TMEM266: variants seen among roughly 807,000 people sequenced by gnomAD.
TMEM266 encodes the protein Hv1 related protein 1.
Under a neutral mutation model 50.5 loss-of-function variants are expected in TMEM266, and 33 were observed. That is an observed-to-expected ratio of 0.65 (90% CI 0.50 to 0.87). The LOEUF (loss-of-function observed/expected upper bound fraction) is 0.87. Among genes scored for constraint, TMEM266 ranks in the 40% least tolerant of loss-of-function variants. TMEM266 has a pLI of 0.00. For synonymous variants in TMEM266, 310 were observed against 292.3 expected, an observed-to-expected ratio of 1.06 and a Z score of -0.62; for missense variants, 655 against 695.1, an observed-to-expected ratio of 0.94 and a Z score of 0.65.
intron 1 of TMEM266, among the ~76,000 whole-genome samples, chr15:76,130,241 A>C (rs1483966882): frequency 2.9e-5 from 4 of 137,086 alleles, no homozygotes; most frequent in South Asian, 2.8e-4. Flanking sequence ...AAAAAAAAAA[A>C]AAAAAAAAAA....
At chr15:76,074,160 T>A (rs1327731096) in intron 1 of TMEM266, among the ~76,000 whole-genome samples, 13 of 152,152 alleles carry the variant, frequency 8.5e-5, no homozygotes, top group Non-Finnish European at 2.9e-5. Flanking sequence ...TCTATAATCC[T>A]ACTACCCATA....
rs1283417953 is a variant in TMEM266 at position 76,153,266 on chromosome 15, A to G, written c.228-3338A>G. On this transcript the variant is annotated intron_variant, in intron 3 of 10. Coordinates refer to ENST00000388942, the MANE Select transcript of TMEM266 (RefSeq NM_152335.3). The surrounding 1 kb of genome is among the most constrained non-coding windows in gnomAD (Gnocchi z 4.2). ...ATATATGGAACTAGTGCTCCTGAAT[A>G]CAATGCTTCGTTTCATTCCCTACTC... 1.3e-5 allele frequency among the ~76,000 whole-genome samples: 2 copies of G among 152,186 alleles called. No homozygotes were observed. Among genetic ancestry groups the G allele is most frequent in the Non-Finnish European group, 2.9e-5 (2 of 68,036 alleles).
At chr15:76,105,232 C>T (rs140489198) in intron 1 of TMEM266, among the ~76,000 whole-genome samples, 64 of 151,934 alleles carry the variant, frequency 4.2e-4, no homozygotes, top group South Asian at 1.0e-3. Flanking sequence ...AGTGACACAG[C>T]GAGACTCCAT....
At chr15:76,192,462 A>T (rs1053885316) in intron 9 of TMEM266, among the ~76,000 whole-genome samples, 6 of 151,894 alleles carry the variant, frequency 4.0e-5, no homozygotes, top group Admixed American at 3.3e-4. Context: ...CCGGAGGAGG[A>T]GGTGTGACTT....
chr15:76,177,589 CAA>C (rs2038307932), intron 8 of TMEM266, among the ~76,000 whole-genome samples: 1 of 152,228 alleles, frequency 6.6e-6, no homozygotes, highest in African/African-American at 2.4e-5. Flanking sequence ...CTATGCGTGA[CAA>C]GAGGGGTCAT....
intron 8 of TMEM266, among the ~76,000 whole-genome samples, chr15:76,190,689 G>A (rs955981025): frequency 6.6e-6 from 1 of 152,202 alleles, no homozygotes; most frequent in African/African-American, 2.4e-5. Flanking sequence ...CAGGTTTGGA[G>A]AGACAGTGAG....
At chr15:76,093,109 T>G (rs533734946) in intron 1 of TMEM266, among the ~76,000 whole-genome samples, 1 of 151,564 alleles carries the variant, frequency 6.6e-6, no homozygotes. Flanking sequence ...CCCAGCCAGG[T>G]GCTATTTTTA....
intron 1 of TMEM266, among the ~76,000 whole-genome samples, chr15:76,061,742 A>G (rs537609720): frequency 1.3e-5 from 2 of 152,336 alleles, no homozygotes; most frequent in African/African-American, 4.8e-5. Context: ...GTTTCCCTCC[A>G]GATTTAAACC....
At chr15:76,106,464 G>A (rs1431260545) in intron 1 of TMEM266, among the ~76,000 whole-genome samples, 2 of 151,772 alleles carry the variant, frequency 1.3e-5, no homozygotes, top group South Asian at 2.1e-4. Flanking sequence ...TTAGAGACAC[G>A]GTCTCGCTCT....
At chr15:76,133,448 T>G (rs1242521583) in intron 1 of TMEM266, among the ~76,000 whole-genome samples, 1 of 151,854 alleles carries the variant, frequency 6.6e-6, no homozygotes, top group Non-Finnish European at 1.5e-5. Context: ...AAAAAATAAA[T>G]AAATAAAATA....
intron 7 of TMEM266, 112 bp downstream of exon 7, chr15:76,171,243 G>A: frequency 1.4e-6 from 2 of 1,432,346 alleles, no homozygotes; most frequent in Non-Finnish European, 1.9e-6. Flanking sequence ...CAGGACGGAA[G>A]GTGAAACTGT....
chr15:76,071,196 A>C (rs955016335), intron 1 of TMEM266, among the ~76,000 whole-genome samples: 1 of 152,204 alleles, frequency 6.6e-6, no homozygotes, highest in East Asian at 1.9e-4. Context: ...GCTTTACAAA[A>C]TTAAGAAGTA....
intron 8 of TMEM266, among the ~76,000 whole-genome samples, chr15:76,184,231 T>A (rs1188063128): frequency 6.6e-6 from 1 of 152,222 alleles, no homozygotes; most frequent in Admixed American, 6.5e-5. Context: ...TTATTCAGGA[T>A]CTCCACTGTG....
Position 76,175,678 on chromosome 15 carries a change from A to G in TMEM266, c.768+4A>G. The G allele has an allele frequency of 6.2e-7, 1 of 1,611,378 alleles. No homozygotes were observed. Among genetic ancestry groups the G allele is most frequent in the Non-Finnish European group, 8.5e-7 (1 of 1,177,636 alleles). On this transcript the variant is annotated splice_donor_region_variant and intron_variant, in intron 8 of 10. Coordinates refer to ENST00000388942, the MANE Select transcript of TMEM266 (RefSeq NM_152335.3). ...GCAGATCTGTCAGGAGCAAGGGGTAATGCACTGCCACTTTCGGCTCTGTCC... is the reference window on the plus strand; with the variant it reads ...GCAGATCTGTCAGGAGCAAGGGGTAGTGCACTGCCACTTTCGGCTCTGTCC...
At chr15:76,130,279 T>C (rs1182485760) in intron 1 of TMEM266, among the ~76,000 whole-genome samples, 1 of 129,504 alleles carries the variant, frequency 7.7e-6, no homozygotes, top group Non-Finnish European at 1.6e-5. Flanking sequence ...GTCTCATGCC[T>C]GTAATTCCAG....
intron 1 of TMEM266, among the ~76,000 whole-genome samples, chr15:76,093,442 T>C (rs1286668871): frequency 6.6e-6 from 1 of 152,062 alleles, no homozygotes; most frequent in Non-Finnish European, 1.5e-5. Context: ...TCCAGCTTCA[T>C]CCATGTCCCT....
At chr15:76,177,495 A>G (rs758383001) in intron 8 of TMEM266, among the ~76,000 whole-genome samples, 15 of 152,362 alleles carry the variant, frequency 9.8e-5, no homozygotes, top group Non-Finnish European at 1.8e-4. Context: ...TGTCTTCAGA[A>G]TCATCCCCTC....
chr15:76,077,068 G>A (rs749537888), intron 1 of TMEM266, among the ~76,000 whole-genome samples: 2 of 151,924 alleles, frequency 1.3e-5, no homozygotes, highest in African/African-American at 2.4e-5. Context: ...GGGCTCAAGC[G>A]ATTCTCCAGC....
At chr15:76,126,676 C>T (rs1202360462) in intron 1 of TMEM266, among the ~76,000 whole-genome samples, 2 of 151,638 alleles carry the variant, frequency 1.3e-5, no homozygotes, top group Admixed American at 6.6e-5. Context: ...GGATTACAGG[C>T]GCCCACCATG....
Sources: allele counts gnomAD v4.1 joint callset (sites outside exome capture counted in the v4.1 genomes callset), GRCh38; gene constraint gnomAD v4.1.1; non-coding constraint Gnocchi (gnomAD v3.1); transcripts MANE v1.5; gene names NCBI Gene and HGNC (gene_info 2026-07-23, HGNC 2026-07-21).